SLC16A7: variants seen among roughly 807,000 people sequenced by gnomAD.
The protein encoded by SLC16A7 is monocarboxylate transporter 2.
Under a neutral mutation model 34.9 loss-of-function variants are expected in SLC16A7, and 33 were observed. The ratio of observed to expected loss-of-function variants is 0.94; its 90% CI spans 0.72 to 1.26. SLC16A7 has a LOEUF of 1.26. Ranked by LOEUF, SLC16A7 falls within the 50% of genes most tolerant of loss-of-function variation. The pLI, the probability that SLC16A7 is intolerant of heterozygous loss-of-function variation, is 0.00. For missense variants in SLC16A7, 573 were observed against 578.1 expected (o/e 0.99, Z 0.09); for synonymous variants, 201 against 206.6 (o/e 0.97, Z 0.23).
chr12:59,631,072 G>C (rs1452806715), intron 1 of SLC16A7, among the ~76,000 whole-genome samples: 1 of 151,932 alleles, frequency 6.6e-6, no homozygotes, highest in African/African-American at 2.4e-5. Flanking sequence ...TGGCAAGGGT[G>C]AGGTAGAGAT....
intron 3 of SLC16A7, among the ~76,000 whole-genome samples, chr12:59,737,665 G>C (rs559112414): frequency 2.0e-5 from 3 of 152,134 alleles, no homozygotes; most frequent in African/African-American, 4.8e-5. Flanking sequence ...CTGGACTTTT[G>C]GGGGGATGAC....
chr12:59,736,452 G>C (rs1419512789), intron 3 of SLC16A7, among the ~76,000 whole-genome samples: 1 of 152,150 alleles, frequency 6.6e-6, no homozygotes, highest in Admixed American at 6.5e-5. Context: ...AAGGTCCATT[G>C]TAGGGTGAGT....
At chr12:59,769,941 A>G (rs1299295438) in intron 3 of SLC16A7, among the ~76,000 whole-genome samples, 1 of 152,114 alleles carries the variant, frequency 6.6e-6, no homozygotes. Flanking sequence ...GAAATATGAA[A>G]GCAAGCCATT....
At chr12:59,747,456 T>C (rs917445511) in intron 3 of SLC16A7, among the ~76,000 whole-genome samples, 2 of 152,218 alleles carry the variant, frequency 1.3e-5, no homozygotes, top group African/African-American at 4.8e-5. Context: ...TGTTTTTAAC[T>C]CTTTTCTAAT....
At chr12:59,699,230 A>G (rs1477165925) in intron 2 of SLC16A7, among the ~76,000 whole-genome samples, 1 of 151,648 alleles carries the variant, frequency 6.6e-6, no homozygotes, top group Non-Finnish European at 1.5e-5. Flanking sequence ...TATAAATATG[A>G]TGCCTAAACT....
intron 3 of SLC16A7, among the ~76,000 whole-genome samples, chr12:59,714,036 C>T (rs3847656): frequency 0.24 from 35,766 of 152,126 alleles, 4,309 homozygotes; most frequent in African/African-American, 0.26. Context: ...AAATCGATCT[C>T]ATAATTGAGT....
intron 1 of SLC16A7, among the ~76,000 whole-genome samples, chr12:59,642,744 G>A (rs1175448023): frequency 6.6e-6 from 1 of 152,068 alleles, no homozygotes; most frequent in African/African-American, 2.4e-5. Context: ...GGAAGAACAT[G>A]CAATCTAGAC....
intron 3 of SLC16A7, among the ~76,000 whole-genome samples, chr12:59,737,756 T>G (rs1021210097): frequency 5.3e-5 from 8 of 152,226 alleles, no homozygotes; most frequent in Non-Finnish European, 1.5e-5. Context: ...CCAGTGTTCC[T>G]GGCCCTAGAA....
chr12:59,629,520 T>A (rs887867257), intron 1 of SLC16A7, among the ~76,000 whole-genome samples: 1 of 151,996 alleles, frequency 6.6e-6, no homozygotes, highest in African/African-American at 2.4e-5. Flanking sequence ...TAAAATTATC[T>A]ACTAATAAGT....
chr12:59,626,479 G>A (rs1879935958), intron 1 of SLC16A7, among the ~76,000 whole-genome samples: 1 of 151,734 alleles, frequency 6.6e-6, no homozygotes, highest in Admixed American at 6.6e-5. Flanking sequence ...GTGGACTAAT[G>A]CTATAATTCT....
At chr12:59,751,884 G>A (rs1046329947) in intron 3 of SLC16A7, among the ~76,000 whole-genome samples, 10 of 152,212 alleles carry the variant, frequency 6.6e-5, no homozygotes, top group Middle Eastern at 3.4e-3. Context: ...CACCTCACAC[G>A]GCCGGGTACT....
intron 2 of SLC16A7, among the ~76,000 whole-genome samples, chr12:59,697,250 T>G (rs117688153): frequency 1.6e-4 from 24 of 152,112 alleles, no homozygotes; most frequent in Non-Finnish European, 2.9e-4. Flanking sequence ...AAACAGTTGA[T>G]TATCTATGGA....
intron 3 of SLC16A7, among the ~76,000 whole-genome samples, chr12:59,739,986 T>C (rs1245489021): frequency 6.6e-6 from 1 of 151,870 alleles, no homozygotes; most frequent in East Asian, 1.9e-4. Context: ...TTCTCCCATT[T>C]TGTAGGTTGC....
intron 1 of SLC16A7, among the ~76,000 whole-genome samples, chr12:59,619,766 G>A (rs1879614172): frequency 6.6e-6 from 1 of 152,048 alleles, no homozygotes; most frequent in South Asian, 2.1e-4. Flanking sequence ...TAGGCAAGGA[G>A]AAGAATGGGA....
chr12:59,630,372 T>A (rs1880127076), intron 1 of SLC16A7, among the ~76,000 whole-genome samples: 1 of 151,878 alleles, frequency 6.6e-6, no homozygotes, highest in African/African-American at 2.4e-5. Context: ...AGTTGGAAGA[T>A]CATGCTTTAG....
chr12:59,776,795 G>A (rs552553663), intron 5 of SLC16A7, among the ~76,000 whole-genome samples: 2 of 152,112 alleles, frequency 1.3e-5, no homozygotes, highest in African/African-American at 4.8e-5. Flanking sequence ...TAGCACAGGT[G>A]TTTTAGGTGG....
chr12:59,779,730 T>G lies in SLC16A7; in HGVS notation c.*51T>G, dbSNP rs756588674. 1.4e-6 allele frequency: 2 copies of G among 1,434,988 alleles called. No homozygotes were observed. The highest frequency in any genetic ancestry group is 2.9e-5 in the African/African-American group (2 of 70,082). 88.9% of individuals were successfully genotyped at this position (1,434,988 alleles called of 1,614,324 possible). On this transcript the variant is annotated 3_prime_UTR_variant, in exon 6 of 6. Transcript: ENST00000547379. Reference sequence around the variant, plus strand: ...GTTTATGACTTTATCTAGGAGTTTGTTTTTCATTTTGTTTTTTTAAAGTAT... The same window carrying G: ...GTTTATGACTTTATCTAGGAGTTTGGTTTTCATTTTGTTTTTTTAAAGTAT...
At chr12:59,741,241 C>T (rs562542492) in intron 3 of SLC16A7, among the ~76,000 whole-genome samples, 17 of 152,154 alleles carry the variant, frequency 1.1e-4, no homozygotes, top group Non-Finnish European at 1.9e-4. Context: ...CCAAAAAGAG[C>T]CCGCATCGCC....
chr12:59,714,023 T>C (rs1389136643), intron 3 of SLC16A7, among the ~76,000 whole-genome samples: 1 of 152,138 alleles, frequency 6.6e-6, no homozygotes, highest in Non-Finnish European at 1.5e-5. Context: ...CAGCAGAAAA[T>C]GGAAATCGAT....
Sources: allele counts gnomAD v4.1 joint callset (sites outside exome capture counted in the v4.1 genomes callset), GRCh38; gene constraint gnomAD v4.1.1; transcripts MANE v1.5; gene names NCBI Gene and HGNC (gene_info 2026-07-23, HGNC 2026-07-21).